The following FARS2 variants were observed in gnomAD, a reference collection of about 807,000 sequenced individuals.
FARS2 encodes the protein phenylalanine--tRNA ligase, mitochondrial.
A neutral mutation model predicts 46.4 loss-of-function variants in FARS2; 40 were observed. The ratio of observed to expected loss-of-function variants is 0.86; its 90% confidence interval spans 0.67 to 1.12. FARS2 has a LOEUF of 1.12. FARS2 is among the 50% of genes most tolerant of loss of function. FARS2 has a pLI of 0.00. For missense variants in FARS2, 513 were observed against 567.9 expected (o/e 0.90, Z 0.98); for synonymous variants, 234 against 214.9 (o/e 1.09, Z -0.78).
At chr6:5,455,606 C>G (rs763548374) in intron 4 of FARS2, among the ~76,000 whole-genome samples, 28 of 152,150 alleles carry the variant, frequency 1.8e-4, no homozygotes, top group Non-Finnish European at 3.1e-4. Context: ...TTCTAAACAT[C>G]TTTAGAATAA....
rs1325524992 is a variant in FARS2 at position 5,765,990 on chromosome 6, C to G, written c.1218-5301C>G. ...AAAAAATCAAACTCTATCCAGTGACCAACTCATTTTAGCCAATACCCCAAT... is the reference window on the plus strand; with the variant it reads ...AAAAAATCAAACTCTATCCAGTGACGAACTCATTTTAGCCAATACCCCAAT... On this transcript the variant is annotated intron_variant, in intron 6 of 6. Transcript: ENST00000274680. This position sits in a 1 kb window ranked among gnomAD's most constrained non-coding sequence, Gnocchi z 4.0. 1.3e-5 allele frequency among the ~76,000 whole-genome samples: 2 copies of G among 152,168 alleles called. No homozygotes were observed. The highest frequency in any genetic ancestry group is 2.1e-4 in the South Asian group (1 of 4,830).
At chr6:5,364,841 G>A (rs1253369948) in intron 1 of FARS2, among the ~76,000 whole-genome samples, 1 of 152,152 alleles carries the variant, frequency 6.6e-6, no homozygotes, top group Admixed American at 6.5e-5. Context: ...AGACCAGCCT[G>A]GGCAATGTGG....
chr6:5,664,322 C>G (rs1777998108), intron 6 of FARS2, among the ~76,000 whole-genome samples: 1 of 152,170 alleles, frequency 6.6e-6, no homozygotes, highest in African/African-American at 2.4e-5. Context: ...CTCATTTCCA[C>G]TTAGAAAATG....
intron 3 of FARS2, among the ~76,000 whole-genome samples, chr6:5,416,114 T>G (rs1173148787): frequency 6.6e-6 from 1 of 152,260 alleles, no homozygotes; most frequent in Non-Finnish European, 1.5e-5. Context: ...GTGTTGTTCC[T>G]CAAAAGGCAG....
intron 1 of FARS2, among the ~76,000 whole-genome samples, chr6:5,366,981 C>T (rs1455242032): frequency 6.6e-6 from 1 of 152,224 alleles, no homozygotes; most frequent in East Asian, 1.9e-4. Flanking sequence ...TGAAACAACT[C>T]TGACAAAATA....
At chr6:5,716,380 C>T (rs1582820732) in intron 6 of FARS2, among the ~76,000 whole-genome samples, 1 of 152,040 alleles carries the variant, frequency 6.6e-6, no homozygotes, top group Non-Finnish European at 1.5e-5. Context: ...TTTTCCAGCT[C>T]AGGGGATCCC....
intron 4 of FARS2, among the ~76,000 whole-genome samples, chr6:5,497,936 T>TC (rs568150423): frequency 2.0e-3 from 308 of 152,298 alleles, no homozygotes; most frequent in African/African-American, 7.1e-3. Context: ...TCACCCTCTT[T>TC]CCCCAGAGAG....
chr6:5,351,186 G>A (rs1757550589), intron 1 of FARS2, among the ~76,000 whole-genome samples: 1 of 152,084 alleles, frequency 6.6e-6, no homozygotes, highest in Non-Finnish European at 1.5e-5. Context: ...GGAGCATAGG[G>A]CCATTATTTG....
chr6:5,435,361 G>A (rs1171442236), intron 4 of FARS2, among the ~76,000 whole-genome samples: 1 of 152,236 alleles, frequency 6.6e-6, no homozygotes, highest in African/African-American at 2.4e-5. Flanking sequence ...ATTAAAGCAT[G>A]AAATTAGATT....
intron 6 of FARS2, among the ~76,000 whole-genome samples, chr6:5,688,604 A>T (rs1757437054): frequency 6.6e-6 from 1 of 152,222 alleles, no homozygotes; most frequent in African/African-American, 2.4e-5. Context: ...TTGGTTTGCC[A>T]GTATATTATT....
At chr6:5,539,548 C>G (rs1048154329) in intron 4 of FARS2, among the ~76,000 whole-genome samples, 1 of 151,778 alleles carries the variant, frequency 6.6e-6, no homozygotes, top group African/African-American at 2.4e-5. Flanking sequence ...TTCTACATTT[C>G]TAATAAACCA....
chr6:5,491,621 C>G (rs6917076), intron 4 of FARS2, among the ~76,000 whole-genome samples: 1,800 of 152,292 alleles, frequency 0.012, 41 homozygotes, highest in African/African-American at 0.039. Flanking sequence ...AGTCCTTCCC[C>G]GAAAGATATG....
chr6:5,653,255 T>G (rs1777454030), intron 6 of FARS2, among the ~76,000 whole-genome samples: 1 of 152,200 alleles, frequency 6.6e-6, no homozygotes, highest in Non-Finnish European at 1.5e-5. Flanking sequence ...CTTATTATTT[T>G]ATAGCAGTTC....
intron 5 of FARS2, chr6:5,609,559 T>C (rs1469457173): frequency 3.9e-6 from 5 of 1,287,386 alleles, no homozygotes; most frequent in South Asian, 2.4e-5. Context: ...TCATTCCCAC[T>C]GAAACCACCT....
chr6:5,522,047 TTAA>T (rs1040867874), intron 4 of FARS2, among the ~76,000 whole-genome samples: 4 of 152,216 alleles, frequency 2.6e-5, no homozygotes. Context: ...TTAGGGCTGA[TTAA>T]TAGTCAGGAT....
At chr6:5,296,227 C>T (rs1431650280) in intron 1 of FARS2, among the ~76,000 whole-genome samples, 4 of 146,618 alleles carry the variant, frequency 2.7e-5, no homozygotes, top group African/African-American at 7.7e-5. Flanking sequence ...CTGCAAGCTC[C>T]GCCTCCCGGG....
rs147639432 is a variant in FARS2 at position 5,313,377 on chromosome 6, C to A, written c.-22+51717C>A. Among the ~76,000 whole-genome samples, 6 of 152,160 alleles carry A rather than the reference C, an allele frequency of 3.9e-5. No homozygotes were observed. The East Asian group carries it at 1.2e-3, about 29-fold the overall frequency. On this transcript the variant is annotated intron_variant, in intron 1 of 6. Transcript: ENST00000274680. The stretch of plus-strand genomic sequence containing the variant: ...TATAGTTTACTCTTAGCTCCTCTGT[C>A]GTACTTAATGCATAAAGGCTCATTG...
chr6:5,716,907 G>A (rs776693123), intron 6 of FARS2, among the ~76,000 whole-genome samples: 8 of 152,162 alleles, frequency 5.3e-5, no homozygotes, highest in African/African-American at 1.7e-4. Flanking sequence ...TCTATACACC[G>A]TTCTCCCAAA....
At chr6:5,418,851 G>A (rs912606743) in intron 3 of FARS2, among the ~76,000 whole-genome samples, 2 of 151,490 alleles carry the variant, frequency 1.3e-5, no homozygotes, top group Non-Finnish European at 2.9e-5. Context: ...GTTTTGAGTG[G>A]TGTGATTTTA....
Sources: gnomAD v4.1 joint callset for allele counts (sites outside exome capture counted in the v4.1 genomes callset) on GRCh38, gnomAD v4.1.1 for gene constraint, Gnocchi (gnomAD v3.1) non-coding constraint, MANE v1.5 for transcripts, NCBI Gene and HGNC (gene_info 2026-07-23, HGNC 2026-07-21) for gene names.